TPTE: variants seen among roughly 807,000 people sequenced by gnomAD.
TPTE encodes putative tyrosine-protein phosphatase TPTE.
Under a neutral mutation model 84.1 loss-of-function variants are expected in TPTE, and 59 were observed. The observed-to-expected ratio is 0.70, with a 90% confidence interval of 0.57 to 0.87. The LOEUF is 0.87. Ranked by LOEUF, TPTE falls within the 40% of genes least tolerant of loss-of-function variation. TPTE has a pLI of 0.00. For synonymous variants in TPTE, 130 were observed against 223.5 expected, an observed-to-expected ratio of 0.58 and a Z score of 3.73; for missense variants, 382 against 659.6, an observed-to-expected ratio of 0.58 and a Z score of 4.61.
chr21:10,544,882 G>A (rs1237795568), intron 7 of TPTE, among the ~76,000 whole-genome samples: 2 of 152,310 alleles, frequency 1.3e-5, no homozygotes, highest in Non-Finnish European at 1.5e-5. Flanking sequence ...TTAGGTTTAG[G>A]AGTAAAGAAA....
chr21:10,539,259 A>C (rs1456589707), intron 4 of TPTE, among the ~76,000 whole-genome samples: 2 of 152,430 alleles, frequency 1.3e-5, no homozygotes, highest in East Asian at 3.8e-4. Context: ...AAAAGAACAG[A>C]GCTAATGGAA....
At chr21:10,525,760 C>A (rs1279790303) in intron 2 of TPTE, among the ~76,000 whole-genome samples, 1 of 152,312 alleles carries the variant, frequency 6.6e-6, no homozygotes. Context: ...ATTCATGTCC[C>A]ATGAGGGAAG....
At chr21:10,527,732 A>G (rs1477043696) in intron 3 of TPTE, among the ~76,000 whole-genome samples, 1 of 152,310 alleles carries the variant, frequency 6.6e-6, no homozygotes, top group African/African-American at 2.4e-5. Flanking sequence ...AGCAGCAAGA[A>G]AGGAGCTAAG....
intron 8 of TPTE, among the ~76,000 whole-genome samples, chr21:10,558,080 G>C (rs1269233904): frequency 6.6e-6 from 1 of 152,310 alleles, no homozygotes; most frequent in African/African-American, 2.4e-5. Context: ...CAAAATACAT[G>C]ATCTCATTCT....
chr21:10,541,882 C>G (rs1319629801), intron 5 of TPTE, among the ~76,000 whole-genome samples: 1 of 152,310 alleles, frequency 6.6e-6, no homozygotes, highest in South Asian at 2.1e-4. Flanking sequence ...GAGGTGTTCA[C>G]CACCCTCCAG....
chr21:10,564,263 A>G (rs2051939102), intron 10 of TPTE, among the ~76,000 whole-genome samples: 1 of 152,418 alleles, frequency 6.6e-6, no homozygotes. Context: ...TAATCCCAGC[A>G]CTTTGGGAGG....
At chr21:10,589,314 G>C (rs1485141016) in intron 17 of TPTE, among the ~76,000 whole-genome samples, 5 of 152,402 alleles carry the variant, frequency 3.3e-5, no homozygotes, top group Admixed American at 2.6e-4. Flanking sequence ...TTGGGTGTGT[G>C]GTTTGACCTA....
At chr21:10,549,873 T>A (rs543975792) in intron 7 of TPTE, among the ~76,000 whole-genome samples, 97 of 152,376 alleles carry the variant, frequency 6.4e-4, no homozygotes, top group African/African-American at 2.3e-3. Context: ...GACATTATAG[T>A]CAAATTGTGA....
chr21:10,522,520 C>A lies in TPTE; in HGVS notation c.-211+826C>A, dbSNP rs1335156556. 2.6e-5 allele frequency among the ~76,000 whole-genome samples: 4 copies of A among 152,310 alleles called. No homozygotes were observed. In the East Asian group the frequency reaches 5.8e-4, roughly 22 times the overall value. The stretch of plus-strand genomic sequence containing the variant: ...GGGAAGGGCTGGGACAAGTTGGAAA[C>A]GGTCAAAACAATGCGTCTGGACGGG... On this transcript the variant is annotated intron_variant, in intron 1 of 23. Coordinates refer to ENST00000618007, the MANE Select transcript of TPTE (RefSeq NM_199261.4).
chr21:10,592,152 A>C (rs1421728649), intron 18 of TPTE, 141 bp from the exon 19 acceptor site: 1 of 1,402,636 alleles, frequency 7.1e-7, no homozygotes, highest in Non-Finnish European at 9.8e-7. Context: ...GTTACAGAGC[A>C]AGACTCTACC....
chr21:10,542,233 T>G (rs2074381883), intron 5 of TPTE, among the ~76,000 whole-genome samples, 162 bp from the exon 6 acceptor site: 1 of 152,306 alleles, frequency 6.6e-6, no homozygotes. Flanking sequence ...AAATCCTCAT[T>G]GCTAATAAAG....
chr21:10,534,402 G>C (rs1354294055), intron 3 of TPTE, among the ~76,000 whole-genome samples: 2 of 152,308 alleles, frequency 1.3e-5, no homozygotes, highest in Non-Finnish European at 2.9e-5. Context: ...AGACAGGCAG[G>C]GATGGTCACT....
At chr21:10,524,202 C>T (rs2074039083) in intron 1 of TPTE, among the ~76,000 whole-genome samples, 2 of 152,310 alleles carry the variant, frequency 1.3e-5, no homozygotes, top group East Asian at 1.9e-4. Flanking sequence ...TCTGCCCTCT[C>T]TGTTGGCTGT....
Position 10,521,636 on chromosome 21 carries a change from TCGCTGCGCCCCGG to T in TPTE, c.-266_-254del, listed in dbSNP as rs1205817312. ...ACCCAACAGTTACCCAGCGCCGGAC[TCGCTGCGCCCCGG>T]CGGCTCTAGGGACCCCCGGCGCCTA... On this transcript the variant is annotated 5_prime_UTR_variant, in exon 1 of 24. Transcript: ENST00000618007. 2 of 154,550 alleles carry T rather than the reference TCGCTGCGCCCCGG, an allele frequency of 1.3e-5. No individual in the cohort carries two copies. The highest frequency in any genetic ancestry group is 2.9e-5 in the Non-Finnish European group (2 of 69,942). The allele number at this position is 154,550 out of a possible 1,614,324, so 9.6% of individuals were successfully genotyped here.
intron 4 of TPTE, 123 bp downstream of exon 4, chr21:10,538,857 T>C (rs1179945280): frequency 6.3e-7 from 1 of 1,599,230 alleles, no homozygotes; most frequent in Non-Finnish European, 8.6e-7. Flanking sequence ...CGTACACACT[T>C]CTCTCAAACA....
At chr21:10,561,650 C>G (rs1189444598) in intron 10 of TPTE, among the ~76,000 whole-genome samples, 2 of 152,306 alleles carry the variant, frequency 1.3e-5, no homozygotes, top group Non-Finnish European at 2.9e-5. Context: ...GCTCCTCTGC[C>G]TTTGGACAGG....
chr21:10,601,740 C>A (rs1978546301), intron 21 of TPTE, among the ~76,000 whole-genome samples: 1 of 152,306 alleles, frequency 6.6e-6, no homozygotes, highest in African/African-American at 2.4e-5. Context: ...ATAGTCCCAG[C>A]TACTTGGGAG....
At chr21:10,534,338 G>T (rs1351526512) in intron 3 of TPTE, among the ~76,000 whole-genome samples, 2 of 152,310 alleles carry the variant, frequency 1.3e-5, no homozygotes, top group East Asian at 3.8e-4. Context: ...CCAGCCTAAT[G>T]CTCTCCTAAT....
At chr21:10,598,827 T>C (rs1191212195) in intron 21 of TPTE, among the ~76,000 whole-genome samples, 2 of 152,308 alleles carry the variant, frequency 1.3e-5, no homozygotes. Flanking sequence ...TCTCAAATTC[T>C]CCTATTACTA....
Sources: gnomAD v4.1 joint callset for allele counts (sites outside exome capture counted in the v4.1 genomes callset) on GRCh38, gnomAD v4.1.1 for gene constraint, MANE v1.5 for transcripts, NCBI Gene and HGNC (gene_info 2026-07-23, HGNC 2026-07-21) for gene names.